GALNT13: variants seen among roughly 807,000 people sequenced by gnomAD.
The protein encoded by GALNT13 is polypeptide N-acetylgalactosaminyltransferase 13.
Under a neutral mutation model 64.2 loss-of-function variants are expected in GALNT13, and 28 were observed. The observed-to-expected ratio is 0.44, with a 90% CI of 0.32 to 0.60. GALNT13 has a LOEUF of 0.60. GALNT13 is among the 20% of genes least tolerant of loss of function. GALNT13 has a pLI of 0.05. For missense variants in GALNT13, 577 were observed against 669.8 expected, an observed-to-expected ratio of 0.86 and a Z score of 1.53; for synonymous variants, 214 against 224.6, an observed-to-expected ratio of 0.95 and a Z score of 0.42.
At chr2:154,263,645 A>G (rs1462375591) in intron 8 of GALNT13, among the ~76,000 whole-genome samples, 4 of 152,142 alleles carry the variant, frequency 2.6e-5, no homozygotes, top group East Asian at 1.9e-4. Flanking sequence ...GAAAAGAAAA[A>G]CCACACACAA....
the GALNT13 span, among the ~76,000 whole-genome samples, chr2:153,786,351 A>G: frequency 6.6e-6 from 1 of 152,130 alleles, no homozygotes; most frequent in African/African-American, 2.4e-5. Flanking sequence ...TTTGGAGAGG[A>G]GTCCAGCCCC....
chr2:153,636,565 A>T, the GALNT13 span, among the ~76,000 whole-genome samples: 25 of 152,130 alleles, frequency 1.6e-4, no homozygotes, highest in Non-Finnish European at 3.1e-4. Flanking sequence ...ACCTTGTTAG[A>T]TAAAATAGGA....
the GALNT13 span, among the ~76,000 whole-genome samples, chr2:153,522,168 A>C: frequency 6.6e-6 from 1 of 152,026 alleles, no homozygotes; most frequent in Non-Finnish European, 1.5e-5. Context: ...GCCTGTCTCT[A>C]CTAAAAATAC....
chr2:154,337,448 C>G (rs1398833074), intron 9 of GALNT13, among the ~76,000 whole-genome samples: 4 of 151,908 alleles, frequency 2.6e-5, no homozygotes, highest in Non-Finnish European at 1.5e-5. Flanking sequence ...AAATAATTGA[C>G]TTTGTTACAT....
chr2:153,502,459 T>C, the GALNT13 span, among the ~76,000 whole-genome samples: 1 of 152,246 alleles, frequency 6.6e-6, no homozygotes, highest in Non-Finnish European at 1.5e-5. Flanking sequence ...CCATGATATA[T>C]ATACCACATT....
the GALNT13 span, among the ~76,000 whole-genome samples, chr2:153,250,052 T>G: frequency 6.6e-6 from 1 of 152,134 alleles, no homozygotes; most frequent in Non-Finnish European, 1.5e-5. Context: ...CTAATTAAGC[T>G]AAAGAGCTTC....
At chr2:153,711,117 C>G in the GALNT13 span, among the ~76,000 whole-genome samples, 1 of 152,104 alleles carries the variant, frequency 6.6e-6, no homozygotes, top group South Asian at 2.1e-4. Context: ...CTAAATTCAG[C>G]TCTCCAAACC....
intron 3 of GALNT13, among the ~76,000 whole-genome samples, chr2:154,113,765 A>C (rs977274304): frequency 5.3e-5 from 8 of 152,228 alleles, no homozygotes; most frequent in Non-Finnish European, 1.2e-4. Context: ...TCTCAATAAG[A>C]TTATGACACA....
At chr2:153,365,478 T>C in the GALNT13 span, among the ~76,000 whole-genome samples, 2 of 152,164 alleles carry the variant, frequency 1.3e-5, no homozygotes, top group African/African-American at 4.8e-5. Context: ...GAGAAAATTT[T>C]TTTGCAATCT....
chr2:153,925,498 CTTTTT>C (rs35443709), intron 2 of GALNT13, among the ~76,000 whole-genome samples: 1 of 117,656 alleles, frequency 8.5e-6, no homozygotes, highest in African/African-American at 3.1e-5. Context: ...AAGCCTCGAG[CTTTTT>C]TTTTTTTTTT....
At position 154,094,877 on chromosome 2, in the gene GALNT13, A is replaced by C. The variant is rs533770977; in HGVS notation, c.143-45460A>C. Among the ~76,000 whole-genome samples, 10 of 152,046 alleles carry C rather than the reference A, an allele frequency of 6.6e-5. No homozygotes were observed. In the Admixed American group the frequency reaches 6.6e-4, roughly 10 times the overall value. On this transcript the variant is annotated intron_variant, in intron 3 of 12. Transcript: ENST00000392825. Reference sequence around the variant, plus strand: ...TAATTCATGTGTTGGATTAAGGAGAAAACATGAATAAATTAATTTTTGAAC... The same window carrying C: ...TAATTCATGTGTTGGATTAAGGAGACAACATGAATAAATTAATTTTTGAAC...
intron 2 of GALNT13, among the ~76,000 whole-genome samples, chr2:153,937,514 G>T (rs1226927324): frequency 6.6e-6 from 1 of 152,080 alleles, no homozygotes; most frequent in Non-Finnish European, 1.5e-5. Flanking sequence ...AAAGGGGAGT[G>T]GTTTACTTTT....
the GALNT13 span, among the ~76,000 whole-genome samples, chr2:153,719,643 A>C: frequency 6.6e-6 from 1 of 152,166 alleles, no homozygotes; most frequent in Non-Finnish European, 1.5e-5. Context: ...GCATTGCCTC[A>C]CCTGGGAAGT....
chr2:153,389,294 C>T, the GALNT13 span, among the ~76,000 whole-genome samples: 2 of 152,034 alleles, frequency 1.3e-5, no homozygotes, highest in African/African-American at 2.4e-5. Flanking sequence ...AATTTGAATA[C>T]GCTCATCAGT....
intron 9 of GALNT13, among the ~76,000 whole-genome samples, chr2:154,380,498 T>C (rs1698215716): frequency 6.6e-6 from 1 of 152,062 alleles, no homozygotes; most frequent in Non-Finnish European, 1.5e-5. Flanking sequence ...ATTAAGAAAT[T>C]AAATGATGAC....
the GALNT13 span, among the ~76,000 whole-genome samples, chr2:153,721,628 A>G: frequency 6.6e-6 from 1 of 150,414 alleles, no homozygotes; most frequent in Non-Finnish European, 1.5e-5. Flanking sequence ...CTACCAAGCC[A>G]ATGGAAAACA....
chr2:154,086,812 G>A (rs1477932221), intron 3 of GALNT13, among the ~76,000 whole-genome samples: 2 of 152,082 alleles, frequency 1.3e-5, no homozygotes, highest in South Asian at 2.1e-4. Context: ...CCAGATTGAT[G>A]CCCTAATAAA....
intron 9 of GALNT13, among the ~76,000 whole-genome samples, chr2:154,378,394 C>T (rs1318143536): frequency 6.6e-6 from 1 of 152,076 alleles, no homozygotes; most frequent in Non-Finnish European, 1.5e-5. Context: ...GGGAGAAGGA[C>T]TCACTTCCAC....
intron 11 of GALNT13, among the ~76,000 whole-genome samples, chr2:154,426,791 G>A (rs1332818574): frequency 6.6e-6 from 1 of 152,134 alleles, no homozygotes; most frequent in African/African-American, 2.4e-5. Context: ...GTCACATTTT[G>A]TTATTATATT....
Sources: allele counts gnomAD v4.1 joint callset (sites outside exome capture counted in the v4.1 genomes callset), GRCh38; gene constraint gnomAD v4.1.1; transcripts MANE v1.5; gene names NCBI Gene and HGNC (gene_info 2026-07-23, HGNC 2026-07-21).